The following NRXN1 variants were observed in gnomAD, a reference collection of about 807,000 sequenced individuals.
NRXN1 encodes neurexin-1.
NRXN1 carries 39 observed loss-of-function variants against 150.9 expected under a neutral mutation model. The observed-to-expected ratio is 0.26, with a 90% CI of 0.20 to 0.34. The LOEUF (loss-of-function observed/expected upper bound fraction) is 0.34, where lower values mean the gene tolerates loss of function less well. NRXN1 is among the 10% of genes least tolerant of loss of function. The probability of loss-of-function intolerance (pLI) is 1.00; values close to 1 mark genes in which losing one functional copy is unlikely to be tolerated. For synonymous variants in NRXN1, 924 were observed against 757.0 expected, an observed-to-expected ratio of 1.22 and a Z score of -3.62; for missense variants, 1,815 against 1,949.9, an observed-to-expected ratio of 0.93 and a Z score of 1.30.
At chr2:51,007,795 T>A (rs527510684) in intron 2 of NRXN1, among the ~76,000 whole-genome samples, 1 of 151,866 alleles carries the variant, frequency 6.6e-6, no homozygotes, top group Non-Finnish European at 1.5e-5. Context: ...CAACAGCAAA[T>A]AATTATCTGG....
At chr2:50,579,502 A>T (rs1416556757) in intron 8 of NRXN1, among the ~76,000 whole-genome samples, 1 of 152,174 alleles carries the variant, frequency 6.6e-6, no homozygotes. Context: ...AAGCAAAATT[A>T]GTCAGGTGTG....
At chr2:50,262,758 C>T (rs1448317475) in intron 17 of NRXN1, among the ~76,000 whole-genome samples, 2 of 151,956 alleles carry the variant, frequency 1.3e-5, no homozygotes, top group Non-Finnish European at 2.9e-5. Context: ...GTGTCATTTT[C>T]CTCCATGCTT....
chr2:50,442,868 T>A (rs79188529), intron 17 of NRXN1, among the ~76,000 whole-genome samples: 4 of 152,158 alleles, frequency 2.6e-5, no homozygotes, highest in African/African-American at 9.6e-5. Flanking sequence ...GTGCCTTGTT[T>A]TGAAATTGAT....
At chr2:49,928,193 A>G (rs1375021994) in intron 22 of NRXN1, among the ~76,000 whole-genome samples, 1 of 151,922 alleles carries the variant, frequency 6.6e-6, no homozygotes, top group Non-Finnish European at 1.5e-5. Context: ...ATTAAACTCC[A>G]TAATGCCCAG....
intron 5 of NRXN1, among the ~76,000 whole-genome samples, chr2:50,907,255 T>C (rs935488349): frequency 3.9e-5 from 6 of 151,942 alleles, no homozygotes; most frequent in Admixed American, 3.3e-4. Context: ...CATTAGATTA[T>C]ACTCTTTTGT....
chr2:50,965,831 T>C (rs926710813), intron 2 of NRXN1, among the ~76,000 whole-genome samples: 1 of 151,666 alleles, frequency 6.6e-6, no homozygotes, highest in Non-Finnish European at 1.5e-5. Context: ...GATTTTCTAG[T>C]TAAAATTGAC....
At chr2:50,239,936 T>C (rs2065862981) in intron 17 of NRXN1, among the ~76,000 whole-genome samples, 1 of 151,078 alleles carries the variant, frequency 6.6e-6, no homozygotes, top group African/African-American at 2.4e-5. Flanking sequence ...ATTTAATATA[T>C]GTAGATTAAC....
chr2:50,496,280 G>T (rs2091615453), intron 14 of NRXN1, among the ~76,000 whole-genome samples, 185 bp from the exon 15 acceptor site: 1 of 152,064 alleles, frequency 6.6e-6, no homozygotes, highest in Non-Finnish European at 1.5e-5. Flanking sequence ...CAGCAAAGAG[G>T]ATTATTCAGT....
chr2:50,947,145 T>A (rs531441022), intron 2 of NRXN1, among the ~76,000 whole-genome samples: 1 of 152,278 alleles, frequency 6.6e-6, no homozygotes, highest in East Asian at 1.9e-4. Context: ...TCCAGTCATG[T>A]ATTTTGATAT....
At chr2:50,849,964 C>T (rs1038846576) in intron 5 of NRXN1, among the ~76,000 whole-genome samples, 9 of 151,874 alleles carry the variant, frequency 5.9e-5, no homozygotes, top group African/African-American at 9.7e-5. Context: ...CCAACACTTT[C>T]GGAGACTGAG....
chr2:49,925,282 A>C (rs75765373), intron 22 of NRXN1, among the ~76,000 whole-genome samples: 1,756 of 105,028 alleles, frequency 0.017, 23 homozygotes, highest in African/African-American at 0.061. Context: ...TGCCTCAACC[A>C]AAAAAAAAAA....
At position 50,090,525 on chromosome 2, in the gene NRXN1, TTTTAA is replaced by T. The variant is rs142930295; in HGVS notation, c.3718+793_3718+797del. ...TGATTGCAGTAAAATATCTTTATAC[TTTTAA>T]TTTATATATTACTTAAAAAGCATAT... is the stretch of plus-strand genomic sequence containing the variant. On this transcript the variant is annotated intron_variant, in intron 19 of 22. Coordinates refer to ENST00000401669, the MANE Select transcript of NRXN1 (RefSeq NM_001330078.2). 1.6e-3 allele frequency among the ~76,000 whole-genome samples: 250 copies of T among 152,260 alleles called. 4 individuals carry two copies. The East Asian group carries it at 0.046, about 28-fold the overall frequency.
chr2:50,392,841 T>C (rs904953446), intron 17 of NRXN1, among the ~76,000 whole-genome samples: 18 of 152,006 alleles, frequency 1.2e-4, no homozygotes, highest in African/African-American at 4.3e-4. Flanking sequence ...AAAATGAGCT[T>C]GGTACAGTGG....
At chr2:50,547,972 A>G (rs1436771178) in intron 9 of NRXN1, among the ~76,000 whole-genome samples, 1 of 152,186 alleles carries the variant, frequency 6.6e-6, no homozygotes, top group African/African-American at 2.4e-5. Flanking sequence ...AGAAATAACC[A>G]GTTACAATCA....
chr2:49,923,822 C>T (rs908056481), intron 22 of NRXN1, among the ~76,000 whole-genome samples: 1 of 152,086 alleles, frequency 6.6e-6, no homozygotes, highest in Non-Finnish European at 1.5e-5. Context: ...CTCAAAGTAG[C>T]AATAAGCTAT....
In NRXN1 at chr2:50,134,273, GAAAAAAAAA is replaced by G. The variant is rs59985780; in HGVS notation, c.3547-42788_3547-42780del. Among the ~76,000 whole-genome samples the G allele has an allele frequency of 7.3e-5, 7 of 96,468 alleles. No homozygotes were observed. The East Asian group carries it at 2.0e-3, about 27-fold the overall frequency. 63.3% of individuals were successfully genotyped at this position (96,468 alleles called of 152,430 possible). A position where few individuals can be genotyped will look rare whatever the true frequency, so the allele number is the denominator to read the frequency against. ...TGCCAAAACCAATTAAAAGTAACCA[GAAAAAAAAA>G]AAAAAAAAAAGAGAACACTAAGCAA... is the stretch of plus-strand genomic sequence containing the variant. On this transcript the variant is annotated intron_variant, in intron 18 of 22. Transcript: ENST00000401669.
intron 8 of NRXN1, among the ~76,000 whole-genome samples, chr2:50,562,062 A>AT (rs1348821287): frequency 6.6e-6 from 1 of 152,130 alleles, no homozygotes; most frequent in African/African-American, 2.4e-5. Flanking sequence ...TATTATTATT[A>AT]TTTTATTAGG....
chr2:50,858,595 T>G (rs1398843890), intron 5 of NRXN1, among the ~76,000 whole-genome samples: 2 of 152,140 alleles, frequency 1.3e-5, no homozygotes, highest in East Asian at 3.9e-4. Flanking sequence ...ATGCGGGTCT[T>G]TGCTCAAGCA....
intron 21 of NRXN1, among the ~76,000 whole-genome samples, chr2:50,022,137 C>T (rs1034336178): frequency 6.6e-6 from 1 of 151,980 alleles, no homozygotes; most frequent in African/African-American, 2.4e-5. Context: ...GTGTGTGCCA[C>T]CATGCCTGGC....
Sources: allele counts gnomAD v4.1 joint callset (sites outside exome capture counted in the v4.1 genomes callset), GRCh38; gene constraint gnomAD v4.1.1; transcripts MANE v1.5; gene names NCBI Gene and HGNC (gene_info 2026-07-23, HGNC 2026-07-21).